The following FCGRT variants were observed in gnomAD, a reference collection of about 807,000 sequenced individuals.
The protein encoded by FCGRT is IgG receptor FcRn large subunit p51.
A neutral mutation model predicts 35.7 loss-of-function variants in FCGRT; 13 were observed. The ratio of observed to expected loss-of-function variants is 0.36; its 90% CI spans 0.24 to 0.58. FCGRT has a LOEUF of 0.58. FCGRT is among the 20% of genes least tolerant of loss of function. The probability of loss-of-function intolerance (pLI) is 0.77; values close to 1 mark genes in which losing one functional copy is unlikely to be tolerated. For missense variants in FCGRT, 455 were observed against 474.9 expected, an observed-to-expected ratio of 0.96 and a Z score of 0.39; for synonymous variants, 233 against 216.5, an observed-to-expected ratio of 1.08 and a Z score of -0.67.
chr19:49,518,678 C>T (rs1568700859), intron 4 of FCGRT, among the ~76,000 whole-genome samples: 1 of 152,098 alleles, frequency 6.6e-6, no homozygotes, highest in Non-Finnish European at 1.5e-5. Context: ...GGATTACAGG[C>T]GCAAGCCACC....
chr19:49,513,220 A>C, intron 1 of FCGRT, 167 bp from the exon 2 acceptor site: 1 of 393,270 alleles, frequency 2.5e-6, no homozygotes, highest in Non-Finnish European at 4.5e-6. Context: ...ACTGAGATCC[A>C]GTTCAGGGGT....
chr19:49,520,939 C>T (rs1490836259), intron 4 of FCGRT: 1 of 152,312 alleles, frequency 6.6e-6, no homozygotes, highest in Non-Finnish European at 1.5e-5. Context: ...AATGTGTTTT[C>T]TGCTGAGCAA....
At chr19:49,518,754 C>T (rs1232853490) in intron 4 of FCGRT, among the ~76,000 whole-genome samples, 1 of 151,832 alleles carries the variant, frequency 6.6e-6, no homozygotes, top group Non-Finnish European at 1.5e-5. Context: ...AGGCTGGTTT[C>T]GAACTCCCGA....
rs374238496 is a variant in FCGRT, at chr19:49,524,638, G to A, written c.733G>A (p.Gly245Ser). 6.5e-5 allele frequency: 105 copies of A among 1,608,746 alleles called. No individual in the cohort carries two copies. The highest frequency in any genetic ancestry group is 1.0e-4 in the Admixed American group (6 of 59,998). ...GCGGAATGGGCTGGCCGCTGGCACC[G>A]GCCAGGGTGACTTCGGCCCCAACAG... ...FLRNGLAAGT[G>S]QGDFGPNSDG... The change falls in exon 5 of 7, where the codon GGC becomes AGC. Residue 245 changes from glycine to serine, a missense_variant. Gly to Ser is a moderately conservative substitution (Grantham distance 56). Transcript: ENST00000221466.
intron 1 of FCGRT, 33 bp from the exon 2 acceptor site, chr19:49,513,354 T>TGGGG: frequency 2.6e-6 from 1 of 380,728 alleles, no homozygotes. Flanking sequence ...GGGCCGGGGG[T>TGGGG]CGGGAGGAGT....
Position 49,513,410 on chromosome 19 carries a change from C to G in FCGRT, c.10C>G (p.Pro4Ala). 1 of 1,244,392 alleles carries G rather than the reference C, an allele frequency of 8.0e-7. No individual in the cohort carries two copies. Among genetic ancestry groups the G allele is most frequent in the South Asian group, 4.1e-5 (1 of 24,414 alleles). The allele number at this position is 1,244,392 out of a possible 1,614,324, so 77.1% of individuals were successfully genotyped here. Residue 4 changes from proline to alanine, a missense_variant, in exon 2 of 7, where the codon CCG (proline) becomes GCG (alanine). Around this residue, in one of 3 missense-constraint regions of FCGRT, gnomAD observed 136 missense variants for 158.9 expected, o/e 0.86. Coordinates refer to ENST00000221466, the MANE Select transcript of FCGRT (RefSeq NM_001136019.3). MGV[P>A]RPQPWALGLL... The stretch of plus-strand genomic sequence containing the variant: ...AGGTCGTCCTCTCAGCATGGGGGTC[C>G]CGCGGCCTCAGCCCTGGGCGCTGGG...
At chr19:49,522,935 G>A (rs1326044031) in intron 4 of FCGRT, among the ~76,000 whole-genome samples, 1 of 151,444 alleles carries the variant, frequency 6.6e-6, no homozygotes, top group African/African-American at 2.4e-5. Context: ...CGGCCACCAC[G>A]CCCGGCTAAT....
In FCGRT at chr19:49,514,779, C is replaced by T. The variant is rs1435164379; in HGVS notation, c.601+293C>T. On this transcript the variant is annotated intron_variant, in intron 4 of 6. Transcript: ENST00000221466. ...CGCGATCTCGGCTCACCACAACCTC[C>T]GCCTCCCGGGTTCAAGTGATCTCCT... Among the ~76,000 whole-genome samples the T allele has an allele frequency of 4.6e-5, 7 of 151,324 alleles. 1 individual carries two copies. The highest frequency in any genetic ancestry group is 4.2e-4 in the South Asian group (2 of 4,780).
intron 4 of FCGRT, among the ~76,000 whole-genome samples, chr19:49,519,100 C>T (rs2080025755): frequency 6.6e-6 from 1 of 152,066 alleles, no homozygotes; most frequent in African/African-American, 2.4e-5. Flanking sequence ...CCTCAGCCTC[C>T]CAAAGTACTG....
chr19:49,514,274 C>T lies in FCGRT; in HGVS notation c.389C>T (p.Thr130Ile), dbSNP rs751281836. Residue 130 changes from threonine to isoleucine, a missense_variant, in exon 4 of 7, where the codon ACC becomes ATC. By Grantham distance (89) the Thr-to-Ile change is moderately conservative. Around this residue, in one of 3 missense-constraint regions of FCGRT, gnomAD observed 136 missense variants for 158.9 expected, o/e 0.86. Coordinates refer to ENST00000221466, the MANE Select transcript of FCGRT (RefSeq NM_001136019.3). ...GGCCCTGACAACACCTCGGTGCCCACCGCCAAGTTCGCCCTGAACGGCGAG... is the reference window on the plus strand; with the variant it reads ...GGCCCTGACAACACCTCGGTGCCCATCGCCAAGTTCGCCCTGAACGGCGAG... ...ELGPDNTSVP[T>I]AKFALNGEEF... 2 of 1,611,046 alleles carry T rather than the reference C, an allele frequency of 1.2e-6. No individual in the cohort carries two copies. The highest frequency in any genetic ancestry group is 2.2e-5 in the South Asian group (2 of 90,546).
chr19:49,514,144 G>A lies in FCGRT; in HGVS notation c.325+11G>A, dbSNP rs575023882. On this transcript the variant is annotated intron_variant, in intron 3 of 6. Transcript: ENST00000221466. ...CTTTGGGGGGAAAAGGTGAGATTCC[G>A]GTCTGGAGGGGCAAGGGGCCGGGTC... 2 of 1,612,722 alleles carry A rather than the reference G, an allele frequency of 1.2e-6. No homozygotes were observed. Among genetic ancestry groups the A allele is most frequent in the Non-Finnish European group, 8.5e-7 (1 of 1,179,338 alleles).
chr19:49,518,602 C>T (rs188413903), intron 4 of FCGRT, among the ~76,000 whole-genome samples: 20 of 152,278 alleles, frequency 1.3e-4, no homozygotes, highest in Admixed American at 9.2e-4. Context: ...GGCACGAACT[C>T]GGCTCACTGC....
rs1354526512 is a variant in FCGRT at position 49,524,538 on chromosome 19, C to T, written c.633C>T (p.Pro211=). The change falls in exon 5 of 7, where the codon CCC becomes CCT. Residue 211 remains proline, a synonymous_variant. Coordinates refer to ENST00000221466, the MANE Select transcript of FCGRT (RefSeq NM_001136019.3). The part of the protein sequence containing the change: ...EPPSMRLKAR[P]SSPGFSVLTC... ...CCTCCATGCGCCTGAAGGCCCGACC[C>T]AGCAGCCCTGGCTTTTCCGTGCTTA... 4 of 1,611,274 alleles carry T rather than the reference C, an allele frequency of 2.5e-6. No individual in the cohort carries two copies. The Admixed American group carries it at 6.7e-5, about 27-fold the overall frequency.
intron 4 of FCGRT, among the ~76,000 whole-genome samples, chr19:49,514,717 G>A (rs897388151): frequency 6.7e-6 from 1 of 149,092 alleles, no homozygotes; most frequent in Non-Finnish European, 1.5e-5. Flanking sequence ...TTGTGAGACG[G>A]AGTTTCGCTC....
At chr19:49,517,535 G>T (rs2080015144) in intron 4 of FCGRT, among the ~76,000 whole-genome samples, 1 of 146,730 alleles carries the variant, frequency 6.8e-6, no homozygotes, top group East Asian at 1.9e-4. Flanking sequence ...GAGAGAAAGA[G>T]GAAGGAAAGG....
chr19:49,515,496 G>T (rs1466629011), intron 4 of FCGRT, among the ~76,000 whole-genome samples: 1 of 151,994 alleles, frequency 6.6e-6, no homozygotes. Context: ...AGCTAGGCTG[G>T]TCTCAAACTC....
chr19:49,519,150 A>G lies in FCGRT; in HGVS notation c.601+4664A>G, dbSNP rs551008995. Among the ~76,000 whole-genome samples, 27 of 152,148 alleles carry G rather than the reference A, an allele frequency of 1.8e-4. No homozygotes were observed. The East Asian group carries it at 4.8e-3, about 27-fold the overall frequency. On this transcript the variant is annotated intron_variant, in intron 4 of 6. Transcript: ENST00000221466. ...AGCCACCGCGCCCGGCCGGATTCCA[A>G]TTTTTTACCAGATAGGTGTTTTGCA...
At chr19:49,513,563 T>G in intron 2 of FCGRT, 90 bp downstream of exon 2, 1 of 711,270 alleles carries the variant, frequency 1.4e-6, no homozygotes, top group Non-Finnish European at 2.0e-6. Context: ...GGGACCCGAG[T>G]TCCCCGCGAG....
At chr19:49,525,201 A>G (rs534370564) in intron 5 of FCGRT, 3 of 520,154 alleles carry the variant, frequency 5.8e-6, no homozygotes, top group South Asian at 3.7e-5. Flanking sequence ...GCCTCTCCCC[A>G]CTGCACTGGC....
Sources: allele counts gnomAD v4.1 joint callset (sites outside exome capture counted in the v4.1 genomes callset), GRCh38; gene constraint gnomAD v4.1.1; regional missense constraint gnomAD v4.1.1; transcripts MANE v1.5; gene names NCBI Gene and HGNC (gene_info 2026-07-23, HGNC 2026-07-21).